The following MYOCD variants were observed in gnomAD, a reference collection of about 807,000 sequenced individuals.
MYOCD encodes the protein myocardin.
Under a neutral mutation model 96.1 loss-of-function variants are expected in MYOCD, and 32 were observed. The observed-to-expected ratio is 0.33, with a 90% CI of 0.25 to 0.45. MYOCD has a LOEUF of 0.45. Ranked by LOEUF, MYOCD falls within the 20% of genes least tolerant of loss-of-function variation. The pLI is 1.00. For missense variants in MYOCD, 1,133 were observed against 1,200.6 expected (o/e 0.94, Z 0.83); for synonymous variants, 469 against 469.0 (o/e 1.00, Z 0.00).
intron 2 of MYOCD, among the ~76,000 whole-genome samples, chr17:12,712,678 G>A (rs1199811143): frequency 1.3e-5 from 2 of 152,148 alleles, no homozygotes; most frequent in Admixed American, 6.5e-5. Flanking sequence ...AAAACTCTGA[G>A]GCAAGAACAC....
chr17:12,705,449 A>G, intron 2 of MYOCD: 1 of 364,742 alleles, frequency 2.7e-6, no homozygotes, highest in South Asian at 9.2e-5. Context: ...GGGTAAACAC[A>G]ATTCATTATG....
chr17:12,747,940 G>A (rs113221677), intron 9 of MYOCD, among the ~76,000 whole-genome samples: 32 of 151,412 alleles, frequency 2.1e-4, no homozygotes, highest in African/African-American at 7.2e-4. Context: ...TGCGGTAGGC[G>A]GATCATGAAG....
chr17:12,720,787 C>T (rs1049011101), intron 4 of MYOCD, among the ~76,000 whole-genome samples: 47 of 152,054 alleles, frequency 3.1e-4, no homozygotes, highest in African/African-American at 1.1e-3. Context: ...CTTTGGGAGG[C>T]CGAGGCGGGC....
intron 1 of MYOCD, among the ~76,000 whole-genome samples, chr17:12,697,007 C>A (rs1294804656): frequency 6.6e-6 from 1 of 152,070 alleles, no homozygotes; most frequent in Non-Finnish European, 1.5e-5. Flanking sequence ...TGTCTCCAAA[C>A]AGGCTGGATT....
intron 9 of MYOCD, 110 bp from the exon 10 acceptor site, chr17:12,752,304 T>A: frequency 1.1e-6 from 1 of 873,542 alleles, no homozygotes; most frequent in Non-Finnish European, 1.7e-6. Context: ...AAAAAAGAGG[T>A]GGGTATTGTA....
At chr17:12,692,307 A>T (rs1380781081) in intron 1 of MYOCD, among the ~76,000 whole-genome samples, 4 of 152,364 alleles carry the variant, frequency 2.6e-5, no homozygotes, top group African/African-American at 9.6e-5. Flanking sequence ...TCTGCCATCC[A>T]GAAAATAGGT....
intron 5 of MYOCD, among the ~76,000 whole-genome samples, chr17:12,729,122 T>A (rs541392622): frequency 2.0e-5 from 3 of 152,334 alleles, no homozygotes; most frequent in South Asian, 4.1e-4. Context: ...GTAGGGCTGT[T>A]TGCTTTGGCA....
intron 2 of MYOCD, among the ~76,000 whole-genome samples, chr17:12,714,763 C>T (rs778368713): frequency 9.9e-5 from 15 of 152,166 alleles, no homozygotes; most frequent in South Asian, 2.1e-4. Context: ...AGGTTGTTCA[C>T]GGCTGCTGTG....
rs896416916 is a variant in MYOCD, at chr17:12,761,675, G to A, written c.2389+968G>A. 3.3e-5 allele frequency: 5 copies of A among 153,074 alleles called. No homozygotes were observed. In the East Asian group the frequency reaches 9.6e-4, roughly 29 times the overall value. The allele number at this position is 153,074 out of a possible 1,614,324, so 9.5% of individuals were successfully genotyped here. On this transcript the variant is annotated intron_variant, in intron 13 of 13. Transcript: ENST00000425538. ...AGTCTCACTCTGTCGCCAGGCTGGA[G>A]TGCAGTGGCGGGATCTTGGGTCACT... is the stretch of plus-strand genomic sequence containing the variant.
chr17:12,688,671 A>C (rs2030276233), intron 1 of MYOCD, among the ~76,000 whole-genome samples: 1 of 119,278 alleles, frequency 8.4e-6, no homozygotes, highest in African/African-American at 3.3e-5. Flanking sequence ...CCCTTCATTC[A>C]TTCCTTTCTT....
chr17:12,704,678 A>G (rs1025551418), intron 1 of MYOCD, among the ~76,000 whole-genome samples: 1 of 152,166 alleles, frequency 6.6e-6, no homozygotes, highest in Non-Finnish European at 1.5e-5. Flanking sequence ...TTTATTTACA[A>G]ACGAGGAAAC....
At chr17:12,745,788 C>A in intron 8 of MYOCD, 131 bp from the exon 9 acceptor site, 1 of 912,458 alleles carries the variant, frequency 1.1e-6, no homozygotes, top group South Asian at 1.6e-5. Context: ...TGTTTTTCCT[C>A]ACCCTGGTCT....
intron 5 of MYOCD, among the ~76,000 whole-genome samples, chr17:12,735,396 A>G (rs990341748): frequency 3.9e-5 from 6 of 152,104 alleles, no homozygotes; most frequent in Admixed American, 6.5e-5. Context: ...TCCCACACCA[A>G]TTTGTCTGTT....
chr17:12,678,138 G>C (rs1169075523), intron 1 of MYOCD, among the ~76,000 whole-genome samples: 1 of 151,650 alleles, frequency 6.6e-6, no homozygotes, highest in Non-Finnish European at 1.5e-5. Flanking sequence ...TGATTTGCCC[G>C]CCTCAGCCTC....
chr17:12,758,041 A>G, intron 11 of MYOCD, 44 bp from the exon 12 acceptor site: 1 of 1,407,072 alleles, frequency 7.1e-7, no homozygotes, highest in Non-Finnish European at 1.0e-6. Flanking sequence ...ACATAATTTC[A>G]GATCCATGAA....
chr17:12,665,919 G>A lies in MYOCD; in HGVS notation c.-270G>A, dbSNP rs542728513. ...GCCGGCAGCCTATGACATCAGACAG[G>A]AACGCCTGGGATGCCGCGCTGCTCC... On this transcript the variant is annotated 5_prime_UTR_variant, in exon 1 of 14. Coordinates refer to ENST00000425538, the MANE Select transcript of MYOCD (RefSeq NM_001146312.3). This position sits in a 1 kb window ranked among gnomAD's most constrained non-coding sequence, Gnocchi z 4.2. 2 of 504,282 alleles carry A rather than the reference G, an allele frequency of 4.0e-6. No individual in the cohort carries two copies. Among genetic ancestry groups the A allele is most frequent in the East Asian group, 6.6e-5 (2 of 30,468 alleles). 31.2% of individuals were successfully genotyped at this position (504,282 alleles called of 1,614,324 possible). A position where few individuals can be genotyped will look rare whatever the true frequency, so the allele number is the denominator to read the frequency against.
chr17:12,745,857 A>G, intron 8 of MYOCD, 62 bp from the exon 9 acceptor site: 1 of 1,570,868 alleles, frequency 6.4e-7, no homozygotes, highest in South Asian at 1.1e-5. Context: ...GATCCGATCT[A>G]AATGCAAGTT....
At position 12,767,210 on chromosome 17, in the gene MYOCD, T is replaced by C. The variant is rs1245377802; in HGVS notation, c.*3566T>C. 1 of 152,106 alleles carries C rather than the reference T, an allele frequency of 6.6e-6. No homozygotes were observed. Among genetic ancestry groups the C allele is most frequent in the Non-Finnish European group, 1.5e-5 (1 of 68,010 alleles). The allele number at this position is 152,106 out of a possible 1,614,324, so 9.4% of individuals were successfully genotyped here. ...GCACTACAATAATTGTACCAGTAAT[T>C]GAGGAAACCAAGACAATCTTCACCT... On this transcript the variant is annotated 3_prime_UTR_variant, in exon 14 of 14. Coordinates refer to ENST00000425538, the MANE Select transcript of MYOCD (RefSeq NM_001146312.3).
chr17:12,721,794 A>G (rs2031848019), intron 4 of MYOCD, among the ~76,000 whole-genome samples: 1 of 152,246 alleles, frequency 6.6e-6, no homozygotes. Context: ...GCTGAGGCAG[A>G]GAGCCAGCAA....
Sources: allele counts gnomAD v4.1 joint callset (sites outside exome capture counted in the v4.1 genomes callset), GRCh38; gene constraint gnomAD v4.1.1; non-coding constraint Gnocchi (gnomAD v3.1); transcripts MANE v1.5; gene names NCBI Gene and HGNC (gene_info 2026-07-23, HGNC 2026-07-21).